The following NTRK3 variants were observed in gnomAD, a reference collection of about 807,000 sequenced individuals.
NTRK3 encodes NT-3 growth factor receptor.
A neutral mutation model predicts 91.7 loss-of-function variants in NTRK3; 24 were observed. The ratio of observed to expected loss-of-function variants is 0.26; its 90% CI spans 0.19 to 0.37. The LOEUF is 0.37. Among genes scored for constraint, NTRK3 ranks in the 10% least tolerant of loss-of-function variants. The pLI is 1.00. For synonymous variants in NTRK3, 483 were observed against 404.0 expected, an observed-to-expected ratio of 1.20 and a Z score of -2.34; for missense variants, 880 against 1,068.9, an observed-to-expected ratio of 0.82 and a Z score of 2.46.
chr15:87,963,934 G>A lies in NTRK3; in HGVS notation c.1586-23181C>T, dbSNP rs117883092. On this transcript the variant is annotated intron_variant, in intron 14 of 18. Transcript: ENST00000394480. ...ATATATTTAGGATCAATCCATTTCC[G>A]TGTTTTATAAGAGCAAACTGTTGTG... 9.1e-3 allele frequency among the ~76,000 whole-genome samples: 1,379 copies of A among 152,088 alleles called. 13 individuals carry two copies. The highest frequency in any genetic ancestry group is 0.023 in the South Asian group (109 of 4,808).
At chr15:87,921,718 G>A (rs988734104) in intron 17 of NTRK3, among the ~76,000 whole-genome samples, 1 of 152,000 alleles carries the variant, frequency 6.6e-6, no homozygotes, top group Non-Finnish European at 1.5e-5. Flanking sequence ...CTGCGCATGG[G>A]GCCACAACCC....
chr15:88,213,510 G>C (rs532289998), intron 3 of NTRK3, among the ~76,000 whole-genome samples: 1 of 152,206 alleles, frequency 6.6e-6, no homozygotes, highest in Non-Finnish European at 1.5e-5. Flanking sequence ...CAGACAGACA[G>C]ACAGACAGAC....
chr15:88,108,883 G>A (rs1487688568), intron 13 of NTRK3, among the ~76,000 whole-genome samples: 1 of 152,154 alleles, frequency 6.6e-6, no homozygotes, highest in Non-Finnish European at 1.5e-5. Context: ...AAGATCCCCA[G>A]GGCTCCACGT....
intron 13 of NTRK3, among the ~76,000 whole-genome samples, chr15:88,094,857 T>C (rs1452324427): frequency 1.3e-5 from 2 of 152,220 alleles, no homozygotes; most frequent in Non-Finnish European, 2.9e-5. Context: ...TGTCAATTAT[T>C]ATTATTGCTT....
intron 13 of NTRK3, among the ~76,000 whole-genome samples, chr15:88,063,963 T>A (rs887696935): frequency 6.6e-6 from 1 of 152,210 alleles, no homozygotes; most frequent in African/African-American, 2.4e-5. Flanking sequence ...AATGTGACCT[T>A]ATCTGGAAAT....
chr15:87,908,082 A>G (rs1228024478), intron 17 of NTRK3, among the ~76,000 whole-genome samples: 3 of 152,138 alleles, frequency 2.0e-5, no homozygotes, highest in African/African-American at 7.2e-5. Context: ...GTAAGCACCC[A>G]AAGTGTACTC....
At chr15:87,894,998 C>A (rs1278198244) in intron 17 of NTRK3, among the ~76,000 whole-genome samples, 6 of 152,138 alleles carry the variant, frequency 3.9e-5, no homozygotes, top group African/African-American at 1.2e-4. Flanking sequence ...CCTGGTATAT[C>A]TTTGTGGGGG....
chr15:87,926,403 T>C (rs1440413743), intron 17 of NTRK3, among the ~76,000 whole-genome samples: 2 of 152,190 alleles, frequency 1.3e-5, no homozygotes, highest in East Asian at 3.9e-4. Context: ...AGAGTTATCC[T>C]TTTTTGTTCA....
chr15:87,920,744 T>C (rs2141836663), intron 17 of NTRK3, among the ~76,000 whole-genome samples: 1 of 152,174 alleles, frequency 6.6e-6, no homozygotes. Context: ...TTGCAGAAAA[T>C]TGAACCATGG....
intron 3 of NTRK3, among the ~76,000 whole-genome samples, chr15:88,250,672 G>A (rs529627566): frequency 6.6e-6 from 1 of 152,276 alleles, no homozygotes; most frequent in East Asian, 1.9e-4. Context: ...CACCAAGAGA[G>A]AGCCAGGGGC....
intron 3 of NTRK3, among the ~76,000 whole-genome samples, chr15:88,205,470 C>G (rs369582731): frequency 6.6e-6 from 1 of 152,300 alleles, no homozygotes; most frequent in East Asian, 1.9e-4. Context: ...TGAAATCACA[C>G]TTATTACATG....
chr15:88,099,837 G>T (rs555278666), intron 13 of NTRK3, among the ~76,000 whole-genome samples: 1 of 152,096 alleles, frequency 6.6e-6, no homozygotes, highest in Non-Finnish European at 1.5e-5. Flanking sequence ...ATGGTGGGGC[G>T]GTTCACATAG....
chr15:88,142,935 C>G (rs1160718529), intron 6 of NTRK3, among the ~76,000 whole-genome samples: 1 of 152,098 alleles, frequency 6.6e-6, no homozygotes, highest in Non-Finnish European at 1.5e-5. Flanking sequence ...AAAAGAAATA[C>G]TAGGCGCAGT....
intron 13 of NTRK3, among the ~76,000 whole-genome samples, chr15:88,091,539 A>C (rs2049013976): frequency 6.6e-6 from 1 of 152,228 alleles, no homozygotes; most frequent in Non-Finnish European, 1.5e-5. Flanking sequence ...TGCCATGATC[A>C]ATTAGTGATG....
chr15:88,191,077 T>C (rs866698683), intron 3 of NTRK3, among the ~76,000 whole-genome samples: 11 of 152,234 alleles, frequency 7.2e-5, no homozygotes, highest in African/African-American at 2.6e-4. Flanking sequence ...GCAGTCACAA[T>C]TCACATTTAC....
chr15:88,071,383 C>A (rs1427192494), intron 13 of NTRK3, among the ~76,000 whole-genome samples: 1 of 152,264 alleles, frequency 6.6e-6, no homozygotes, highest in African/African-American at 2.4e-5. Flanking sequence ...CAACCTGTCA[C>A]TTCTGTTTGG....
At chr15:88,028,776 A>T (rs1215921923) in intron 14 of NTRK3, among the ~76,000 whole-genome samples, 1 of 152,160 alleles carries the variant, frequency 6.6e-6, no homozygotes, top group Non-Finnish European at 1.5e-5. Flanking sequence ...CTGTTTTCTC[A>T]ACCAAGAGTA....
chr15:88,024,469 G>T (rs2077858854), intron 14 of NTRK3, among the ~76,000 whole-genome samples: 1 of 152,168 alleles, frequency 6.6e-6, no homozygotes, highest in Non-Finnish European at 1.5e-5. Context: ...ACTGACTGAA[G>T]GAGTAAAAGA....
At chr15:88,136,764 G>A (rs752576084) in intron 7 of NTRK3, among the ~76,000 whole-genome samples, 155 bp from the exon 8 acceptor site, 5 of 152,156 alleles carry the variant, frequency 3.3e-5, no homozygotes, top group Admixed American at 2.0e-4. Flanking sequence ...AATCCAAGAC[G>A]CTTTACATCA....
Sources: allele counts gnomAD v4.1 joint callset (sites outside exome capture counted in the v4.1 genomes callset), GRCh38; gene constraint gnomAD v4.1.1; transcripts MANE v1.5; gene names NCBI Gene and HGNC (gene_info 2026-07-23, HGNC 2026-07-21).